CSMD3: variants seen among roughly 807,000 people sequenced by gnomAD.
CSMD3 encodes the protein CUB and Sushi multiple domains 3.
CSMD3 carries 177 observed loss-of-function variants against 435.2 expected under a neutral mutation model. The ratio of observed to expected loss-of-function variants is 0.41; its 90% confidence interval spans 0.36 to 0.46. The LOEUF (loss-of-function observed/expected upper bound fraction) is 0.46, where lower values mean the gene tolerates loss of function less well. Among genes scored for constraint, CSMD3 ranks in the 20% least tolerant of loss-of-function variants. CSMD3 has a pLI of 0.34. For synonymous variants in CSMD3, 1,656 were observed against 1,520.5 expected, an observed-to-expected ratio of 1.09 and a Z score of -2.07; for missense variants, 4,265 against 4,504.6, an observed-to-expected ratio of 0.95 and a Z score of 1.52.
At chr8:112,935,548 C>A (rs2083254902) in intron 9 of CSMD3, among the ~76,000 whole-genome samples, 1 of 151,858 alleles carries the variant, frequency 6.6e-6, no homozygotes, top group African/African-American at 2.4e-5. Context: ...TTATTTGTAA[C>A]TTATTTAGTT....
intron 32 of CSMD3, among the ~76,000 whole-genome samples, chr8:112,427,049 A>G (rs754265825): frequency 6.6e-5 from 10 of 152,308 alleles, no homozygotes; most frequent in Middle Eastern, 3.4e-3. Flanking sequence ...TTCCTTAAAT[A>G]TAAATTGAGC....
chr8:112,929,577 CTTAA>C (rs1248175035), intron 9 of CSMD3, among the ~76,000 whole-genome samples: 1 of 151,806 alleles, frequency 6.6e-6, no homozygotes, highest in Admixed American at 6.6e-5. Context: ...GATTTTGTGT[CTTAA>C]TTAAACAATT....
chr8:112,360,087 A>C (rs1481173231), intron 38 of CSMD3, among the ~76,000 whole-genome samples: 3 of 152,012 alleles, frequency 2.0e-5, no homozygotes, highest in Admixed American at 1.3e-4. Flanking sequence ...CTATGATATA[A>C]ACATGTATGC....
intron 5 of CSMD3, among the ~76,000 whole-genome samples, chr8:113,082,157 T>C (rs768053433): frequency 2.8e-5 from 4 of 144,802 alleles, no homozygotes; most frequent in African/African-American, 1.1e-4. Flanking sequence ...GACCTGTTGC[T>C]ACTGCATGCC....
Position 112,550,665 on chromosome 8 carries a change from A to C in CSMD3, c.4564+6T>G. ...TGCATTGAAGAAATTTTTTGAAAAA[A>C]CTTACTTGAAAACTGAATTGCAAAT... is the stretch of plus-strand genomic sequence containing the variant. On this transcript the variant is annotated splice_donor_region_variant and intron_variant, in intron 27 of 70. Transcript: ENST00000297405. 3.9e-6 allele frequency: 6 copies of C among 1,555,574 alleles called. No individual in the cohort carries two copies. Among genetic ancestry groups the C allele is most frequent in the Non-Finnish European group, 5.3e-6 (6 of 1,127,730 alleles).
intron 12 of CSMD3, among the ~76,000 whole-genome samples, chr8:112,828,838 A>C (rs1329568929): frequency 6.6e-6 from 1 of 152,120 alleles, no homozygotes; most frequent in Non-Finnish European, 1.5e-5. Context: ...TCAAGAGTGC[A>C]TGAAGACAGG....
intron 5 of CSMD3, chr8:113,098,423 A>G (rs2131544087): frequency 3.2e-6 from 1 of 309,702 alleles, no homozygotes; most frequent in Admixed American, 4.8e-5. Context: ...AAGGTATATA[A>G]CAAGTCTGCT....
intron 4 of CSMD3, among the ~76,000 whole-genome samples, chr8:113,120,762 G>A (rs575957573): frequency 6.6e-6 from 1 of 152,248 alleles, no homozygotes; most frequent in African/African-American, 2.4e-5. Flanking sequence ...CAGGATGTCA[G>A]TTGCCATGTG....
chr8:112,840,626 G>C (rs1455864043), intron 11 of CSMD3, among the ~76,000 whole-genome samples: 7 of 151,622 alleles, frequency 4.6e-5, no homozygotes, highest in African/African-American at 1.7e-4. Context: ...ATAAGGTATA[G>C]GGACATCAAA....
chr8:113,178,478 T>A (rs1366244673), intron 3 of CSMD3, among the ~76,000 whole-genome samples: 1 of 151,924 alleles, frequency 6.6e-6, no homozygotes. Flanking sequence ...GAGTTTATGA[T>A]TTGGTGGCTA....
intron 13 of CSMD3, among the ~76,000 whole-genome samples, chr8:112,791,060 C>T (rs7840331): frequency 2.0e-5 from 3 of 152,174 alleles, no homozygotes; most frequent in South Asian, 2.1e-4. Context: ...CGGTGGCTCA[C>T]GCCTGTAACC....
At chr8:113,262,920 T>A (rs2132365241) in intron 3 of CSMD3, among the ~76,000 whole-genome samples, 1 of 152,194 alleles carries the variant, frequency 6.6e-6, no homozygotes, top group South Asian at 2.1e-4. Context: ...ACTACAAGAC[T>A]GTAAACTTCT....
intron 32 of CSMD3, among the ~76,000 whole-genome samples, chr8:112,438,208 A>G (rs918746770): frequency 2.0e-5 from 3 of 152,168 alleles, no homozygotes; most frequent in African/African-American, 7.2e-5. Flanking sequence ...GTGAAAATTT[A>G]CCCATTTAAA....
At chr8:112,281,604 A>G (rs944284462) in intron 58 of CSMD3, among the ~76,000 whole-genome samples, 2 of 152,160 alleles carry the variant, frequency 1.3e-5, no homozygotes, top group African/African-American at 2.4e-5. Context: ...TCTACAGAGT[A>G]AAATAATTAT....
chr8:112,404,029 T>C (rs529151684), intron 35 of CSMD3, among the ~76,000 whole-genome samples: 1 of 152,078 alleles, frequency 6.6e-6, no homozygotes, highest in Admixed American at 6.6e-5. Context: ...AAGAAAAAAA[T>C]GCACTGTGAA....
At chr8:112,289,569 T>A in intron 56 of CSMD3, 31 bp from the exon 57 acceptor site, 1 of 1,433,490 alleles carries the variant, frequency 7.0e-7, no homozygotes, top group Non-Finnish European at 9.5e-7. Flanking sequence ...ATATAAAATT[T>A]TTTTATATCT....
intron 47 of CSMD3, 104 bp downstream of exon 47, chr8:112,318,733 T>C (rs923752570): frequency 2.7e-6 from 2 of 741,584 alleles, no homozygotes; most frequent in African/African-American, 1.8e-5. Flanking sequence ...TTGTTTCCAG[T>C]TAAACATTTC....
intron 13 of CSMD3, among the ~76,000 whole-genome samples, chr8:112,722,377 G>A (rs1587078718): frequency 6.6e-6 from 1 of 152,246 alleles, no homozygotes; most frequent in East Asian, 1.9e-4. Flanking sequence ...ATTGGTGATT[G>A]AATGTTAATT....
chr8:113,133,723 A>G (rs574999082), intron 4 of CSMD3, among the ~76,000 whole-genome samples: 1 of 152,240 alleles, frequency 6.6e-6, no homozygotes, highest in Admixed American at 6.6e-5. Flanking sequence ...AGTGACATAT[A>G]TATATAGAAT....
Sources: gnomAD v4.1 joint callset for allele counts (sites outside exome capture counted in the v4.1 genomes callset) on GRCh38, gnomAD v4.1.1 for gene constraint, MANE v1.5 for transcripts, NCBI Gene and HGNC (gene_info 2026-07-23, HGNC 2026-07-21) for gene names.